Variants in CNTNAP2 observed in about 807,000 individuals in gnomAD.
CNTNAP2 encodes the protein contactin associated protein 2.
CNTNAP2 carries 98 observed loss-of-function variants against 155.2 expected under a neutral mutation model. That is an observed-to-expected ratio of 0.63 (90% CI 0.54 to 0.75). CNTNAP2 has a LOEUF of 0.75. Ranked by LOEUF, CNTNAP2 falls within the 30% of genes least tolerant of loss-of-function variation. The probability of loss-of-function intolerance (pLI) is 0.00; values close to 1 mark genes in which losing one functional copy is unlikely to be tolerated. For synonymous variants in CNTNAP2, 651 were observed against 631.2 expected, an observed-to-expected ratio of 1.03 and a Z score of -0.47; for missense variants, 1,727 against 1,688.1, an observed-to-expected ratio of 1.02 and a Z score of -0.40.
At chr7:147,505,056 A>G (rs1422557564) in intron 11 of CNTNAP2, among the ~76,000 whole-genome samples, 1 of 152,124 alleles carries the variant, frequency 6.6e-6, no homozygotes, top group Non-Finnish European at 1.5e-5. Context: ...AGTATGATAT[A>G]CATCCCCACA....
intron 13 of CNTNAP2, among the ~76,000 whole-genome samples, chr7:147,809,744 A>G (rs1046336831): frequency 6.6e-6 from 1 of 152,320 alleles, no homozygotes; most frequent in South Asian, 2.1e-4. Flanking sequence ...TACAATTTGT[A>G]TAGGGAATGA....
At chr7:146,664,369 C>G (rs1360647621) in intron 1 of CNTNAP2, among the ~76,000 whole-genome samples, 1 of 151,814 alleles carries the variant, frequency 6.6e-6, no homozygotes, top group African/African-American at 2.4e-5. Context: ...CCATGTTGGC[C>G]AGACTGGTCT....
intron 3 of CNTNAP2, among the ~76,000 whole-genome samples, chr7:146,844,022 G>GT (rs142992925): frequency 0.037 from 5,645 of 152,136 alleles, 350 homozygotes; most frequent in African/African-American, 0.13. Context: ...CCATGGTTAT[G>GT]TTTTTCTGAT....
At chr7:146,582,350 T>C (rs1446346289) in intron 1 of CNTNAP2, among the ~76,000 whole-genome samples, 1 of 152,124 alleles carries the variant, frequency 6.6e-6, no homozygotes, top group African/African-American at 2.4e-5. Flanking sequence ...AGAGGATATT[T>C]TGGGGTGACC....
chr7:148,343,056 C>G (rs928707785), intron 21 of CNTNAP2, among the ~76,000 whole-genome samples: 1 of 152,348 alleles, frequency 6.6e-6, no homozygotes, highest in South Asian at 2.1e-4. Flanking sequence ...GGCCACAGCA[C>G]TCCCTGCTTG....
intron 13 of CNTNAP2, among the ~76,000 whole-genome samples, chr7:147,641,766 G>A (rs1238541073): frequency 6.6e-6 from 1 of 152,004 alleles, no homozygotes; most frequent in Non-Finnish European, 1.5e-5. Context: ...GCCAGGAAGA[G>A]AGCCCTCACC....
chr7:146,984,728 C>T (rs1798086610), intron 3 of CNTNAP2, among the ~76,000 whole-genome samples: 1 of 152,158 alleles, frequency 6.6e-6, no homozygotes, highest in African/African-American at 2.4e-5. Flanking sequence ...ATTTCTGTCT[C>T]TAATATTTTT....
At chr7:148,028,500 C>G (rs1234442964) in intron 15 of CNTNAP2, among the ~76,000 whole-genome samples, 1 of 152,098 alleles carries the variant, frequency 6.6e-6, no homozygotes, top group African/African-American at 2.4e-5. Flanking sequence ...CACTTGAGTC[C>G]GGGAGGTCAA....
At chr7:146,815,496 G>T (rs779740217) in intron 2 of CNTNAP2, among the ~76,000 whole-genome samples, 5 of 152,086 alleles carry the variant, frequency 3.3e-5, no homozygotes, top group African/African-American at 1.2e-4. Context: ...AATTGTGTGT[G>T]TGTCTATATA....
intron 10 of CNTNAP2, among the ~76,000 whole-genome samples, chr7:147,484,301 T>C (rs1305608289): frequency 2.6e-5 from 4 of 152,232 alleles, no homozygotes; most frequent in African/African-American, 9.6e-5. Flanking sequence ...TTTTCCCCAA[T>C]GTTCTTCCTC....
At chr7:147,520,087 T>A (rs1255823935) in intron 11 of CNTNAP2, among the ~76,000 whole-genome samples, 2 of 152,144 alleles carry the variant, frequency 1.3e-5, no homozygotes, top group African/African-American at 4.8e-5. Context: ...TTAGAAAAAG[T>A]CTTTCCAAAG....
Position 147,334,430 on chromosome 7 carries a change from T to C in CNTNAP2, c.1498+34140T>C, listed in dbSNP as rs941782634. On this transcript the variant is annotated intron_variant, in intron 9 of 23. Transcript: ENST00000361727. ...TGCCATTTATTTCTTAGGGAAGCAT[T>C]CTGGCTCTTATTATCATCTCTAATA... is the stretch of plus-strand genomic sequence containing the variant. Among the ~76,000 whole-genome samples the C allele has an allele frequency of 2.0e-5, 3 of 152,324 alleles. No individual in the cohort carries two copies. The East Asian group carries it at 5.8e-4, about 29-fold the overall frequency.
intron 13 of CNTNAP2, among the ~76,000 whole-genome samples, chr7:147,799,715 T>A (rs1797955943): frequency 6.6e-6 from 1 of 152,166 alleles, no homozygotes; most frequent in African/African-American, 2.4e-5. Context: ...CCCAGATGCA[T>A]GAGAGCAGAA....
intron 12 of CNTNAP2, among the ~76,000 whole-genome samples, chr7:147,570,437 C>A (rs1800266042): frequency 1.3e-5 from 2 of 152,184 alleles, no homozygotes; most frequent in South Asian, 4.1e-4. Flanking sequence ...ACTGTTAATG[C>A]TCTTATAATT....
In CNTNAP2 at chr7:146,505,750, A is replaced by G. The variant is rs562576556; in HGVS notation, c.98-268521A>G. Among the ~76,000 whole-genome samples the G allele has an allele frequency of 2.2e-3, 334 of 152,304 alleles. 2 individuals are homozygous for G. The highest frequency in any genetic ancestry group is 1.2e-4 in the Non-Finnish European group (8 of 68,032). ...CTTTACAGACATTGGGGCAGGCAACAACAGATTACCATTGTCCCCATACCT... is the reference window on the plus strand; with the variant it reads ...CTTTACAGACATTGGGGCAGGCAACGACAGATTACCATTGTCCCCATACCT... On this transcript the variant is annotated intron_variant, in intron 1 of 23. Transcript: ENST00000361727.
At chr7:147,746,750 G>A (rs112912551) in intron 13 of CNTNAP2, among the ~76,000 whole-genome samples, 27,515 of 151,966 alleles carry the variant, frequency 0.18, 2,943 homozygotes, top group Middle Eastern at 0.38. Flanking sequence ...CACGCATTTT[G>A]GTAAGGGTGA....
chr7:147,539,644 T>G (rs766861803), intron 11 of CNTNAP2, among the ~76,000 whole-genome samples: 2 of 152,166 alleles, frequency 1.3e-5, no homozygotes, highest in Non-Finnish European at 2.9e-5. Context: ...GCCAATGTAG[T>G]GACACTATCA....
intron 1 of CNTNAP2, among the ~76,000 whole-genome samples, chr7:146,685,873 A>G (rs969144665): frequency 6.6e-6 from 1 of 152,344 alleles, no homozygotes; most frequent in South Asian, 2.1e-4. Context: ...GAAAGAGGAA[A>G]ACATTCAGTC....
At chr7:146,696,374 CTT>C (rs1261874191) in intron 1 of CNTNAP2, among the ~76,000 whole-genome samples, 1 of 152,050 alleles carries the variant, frequency 6.6e-6, no homozygotes, top group African/African-American at 2.4e-5. Flanking sequence ...GTTAATTACT[CTT>C]TTTCATTTCT....
Sources: gnomAD v4.1 joint callset for allele counts (sites outside exome capture counted in the v4.1 genomes callset) on GRCh38, gnomAD v4.1.1 for gene constraint, MANE v1.5 for transcripts, NCBI Gene and HGNC (gene_info 2026-07-23, HGNC 2026-07-21) for gene names.